HACE1: variants seen among roughly 807,000 people sequenced by gnomAD.
HACE1 encodes HECT domain and ankyrin repeat containing E3 ubiquitin protein ligase 1.
In HACE1, 73 loss-of-function variants were observed where a neutral mutation model predicts 118.4. That is an observed-to-expected ratio of 0.62 (90% confidence interval 0.51 to 0.75). The LOEUF (loss-of-function observed/expected upper bound fraction) is 0.75. Among genes scored for constraint, HACE1 ranks in the 30% least tolerant of loss-of-function variants. The pLI is 0.00. For missense variants in HACE1, 749 were observed against 1,102.2 expected, an observed-to-expected ratio of 0.68 and a Z score of 4.54; for synonymous variants, 368 against 374.8, an observed-to-expected ratio of 0.98 and a Z score of 0.21.
intron 7 of HACE1, among the ~76,000 whole-genome samples, chr6:104,804,625 T>A (rs890027395): frequency 2.0e-5 from 3 of 152,212 alleles, no homozygotes; most frequent in Non-Finnish European, 4.4e-5. Flanking sequence ...CCCTATTTGA[T>A]AAATGGTGCT....
intron 6 of HACE1, among the ~76,000 whole-genome samples, chr6:104,823,902 TCA>T (rs1773047038): frequency 6.6e-6 from 1 of 152,138 alleles, no homozygotes; most frequent in East Asian, 1.9e-4. Context: ...ACAACCTGAA[TCA>T]CAGTTTTAAG....
chr6:104,816,979 G>A (rs1233798430), intron 6 of HACE1, among the ~76,000 whole-genome samples: 1 of 152,118 alleles, frequency 6.6e-6, no homozygotes, highest in Non-Finnish European at 1.5e-5. Context: ...TTGTGTTTTG[G>A]CCAATTTCTC....
intron 1 of HACE1, among the ~76,000 whole-genome samples, chr6:104,855,272 A>G (rs575673723): frequency 3.3e-5 from 5 of 152,090 alleles, no homozygotes; most frequent in Admixed American, 2.0e-4. Flanking sequence ...GTGAAACCCC[A>G]TCTCTACTAA....
In HACE1 at chr6:104,811,247, CATATATATATAT is replaced by C. The variant is rs3995559; in HGVS notation, c.617+52_617+63del. On this transcript the variant is annotated intron_variant, in intron 7 of 23. Transcript: ENST00000262903. ...AAATATATATATTTCTTTATTTATA[CATATATATATAT>C]ATATATATATATATGAGCATATATA... The C allele has an allele frequency of 8.6e-5, 18 of 208,512 alleles. 2 individuals carry two copies. Among genetic ancestry groups the C allele is most frequent in the African/African-American group, 2.3e-4 (7 of 30,892 alleles). 12.9% of individuals were successfully genotyped at this position (208,512 alleles called of 1,614,324 possible).
chr6:104,730,673 G>T (rs1775106605), intron 22 of HACE1: 1 of 436,106 alleles, frequency 2.3e-6, no homozygotes, highest in Non-Finnish European at 4.3e-6. Flanking sequence ...CCTCAATATT[G>T]CATTTAGTAT....
intron 17 of HACE1, 70 bp from the exon 18 acceptor site, chr6:104,772,144 G>C (rs1780690687): frequency 1.2e-6 from 1 of 850,134 alleles, no homozygotes; most frequent in South Asian, 1.6e-5. Context: ...CTTCGATGCA[G>C]ATAAACTAAT....
intron 17 of HACE1, 35 bp from the exon 18 acceptor site, chr6:104,772,109 G>T (rs756388935): frequency 8.6e-7 from 1 of 1,162,318 alleles, no homozygotes; most frequent in East Asian, 2.6e-5. Context: ...ATATTATTAA[G>T]AATCTATATG....
At chr6:104,799,477 C>A (rs1770056929) in intron 7 of HACE1, among the ~76,000 whole-genome samples, 1 of 152,122 alleles carries the variant, frequency 6.6e-6, no homozygotes, top group Admixed American at 6.5e-5. Flanking sequence ...TGAGTGCTGC[C>A]TGATTCATGA....
chr6:104,830,401 C>T (rs1406109880), intron 6 of HACE1, among the ~76,000 whole-genome samples: 1 of 152,020 alleles, frequency 6.6e-6, no homozygotes, highest in East Asian at 1.9e-4. Flanking sequence ...ACAAAAAATG[C>T]AAATGAACAA....
At chr6:104,755,330 G>A (rs184868649) in intron 19 of HACE1, among the ~76,000 whole-genome samples, 3 of 152,270 alleles carry the variant, frequency 2.0e-5, no homozygotes, top group Non-Finnish European at 4.4e-5. Context: ...CAATAATAGT[G>A]AGAGGCTTTA....
At chr6:104,818,741 T>C (rs888287510) in intron 6 of HACE1, among the ~76,000 whole-genome samples, 4 of 151,850 alleles carry the variant, frequency 2.6e-5, no homozygotes, top group African/African-American at 9.7e-5. Flanking sequence ...CACAAATCAA[T>C]AAATGTAATT....
chr6:104,747,427 A>C (rs2114537672), intron 20 of HACE1, among the ~76,000 whole-genome samples: 1 of 152,236 alleles, frequency 6.6e-6, no homozygotes, highest in African/African-American at 2.4e-5. Context: ...AAACTCTAGA[A>C]TTTAACCTGA....
intron 22 of HACE1, among the ~76,000 whole-genome samples, chr6:104,737,103 G>A (rs1775931587): frequency 6.7e-6 from 1 of 148,452 alleles, no homozygotes; most frequent in Non-Finnish European, 1.5e-5. Flanking sequence ...GGCCACGATG[G>A]TGAAACCTCA....
chr6:104,801,319 C>G (rs964893930), intron 7 of HACE1, among the ~76,000 whole-genome samples: 1 of 152,070 alleles, frequency 6.6e-6, no homozygotes, highest in Admixed American at 6.5e-5. Flanking sequence ...GAGGACTTCC[C>G]CAACCTAGCA....
chr6:104,741,736 C>G (rs1455057984), intron 22 of HACE1, among the ~76,000 whole-genome samples: 1 of 149,376 alleles, frequency 6.7e-6, no homozygotes, highest in African/African-American at 2.5e-5. Context: ...CCATACTGCC[C>G]AAGGTAATTT....
intron 7 of HACE1, among the ~76,000 whole-genome samples, chr6:104,803,578 G>A (rs1253002015): frequency 6.6e-6 from 1 of 152,000 alleles, no homozygotes; most frequent in Non-Finnish European, 1.5e-5. Context: ...ATCAATAAAC[G>A]CAATCCATCA....
chr6:104,740,383 G>T (rs558000612), intron 22 of HACE1, among the ~76,000 whole-genome samples: 2,985 of 151,908 alleles, frequency 0.02, 92 homozygotes, highest in African/African-American at 0.068. Context: ...CCAGGAGGTG[G>T]TTTTTTGAAA....
intron 6 of HACE1, among the ~76,000 whole-genome samples, chr6:104,822,385 A>G (rs1407686470): frequency 2.0e-4 from 25 of 127,432 alleles, no homozygotes; most frequent in African/African-American, 5.8e-4. Context: ...TCCATCTCAG[A>G]AAAAAAAAAA....
intron 7 of HACE1, among the ~76,000 whole-genome samples, chr6:104,807,178 A>T (rs1171788173): frequency 6.6e-6 from 1 of 151,846 alleles, no homozygotes; most frequent in South Asian, 2.1e-4. Flanking sequence ...CGTGCGCCAC[A>T]ATGCCCAGCT....
Sources: gnomAD v4.1 joint callset for allele counts (sites outside exome capture counted in the v4.1 genomes callset) on GRCh38, gnomAD v4.1.1 for gene constraint, MANE v1.5 for transcripts, NCBI Gene and HGNC (gene_info 2026-07-23, HGNC 2026-07-21) for gene names.